Variants in SPACA3 observed in about 807,000 individuals in gnomAD.
SPACA3 encodes the protein sperm acrosome membrane-associated protein 3.
In SPACA3, 21 loss-of-function variants were observed where a neutral mutation model predicts 24.5. That is an observed-to-expected ratio of 0.86 (90% confidence interval 0.61 to 1.24). The LOEUF (loss-of-function observed/expected upper bound fraction) is 1.24, where lower values mean the gene tolerates loss of function less well. Ranked by LOEUF, SPACA3 falls within the 50% of genes most tolerant of loss-of-function variation. The pLI, the probability that SPACA3 is intolerant of heterozygous loss-of-function variation, is 0.00. For synonymous variants in SPACA3, 115 were observed against 106.9 expected (o/e 1.08, Z -0.47); for missense variants, 278 against 275.5 (o/e 1.01, Z -0.06).
chr17:32,993,154 A>G (rs1429427236), intron 1 of SPACA3: 2 of 366,068 alleles, frequency 5.5e-6, no homozygotes, highest in South Asian at 4.3e-5. Flanking sequence ...TGTGTGGCCC[A>G]TCATGTTTTA....
Sources: allele counts gnomAD v4.1 joint callset, GRCh38; gene constraint gnomAD v4.1.1; transcripts MANE v1.5; gene names NCBI Gene and HGNC (gene_info 2026-07-23, HGNC 2026-07-21).